Variants in MMP26 observed in about 807,000 individuals in gnomAD.
MMP26 encodes the protein matrix metalloproteinase-26.
MMP26 carries 33 observed loss-of-function variants against 31.0 expected under a neutral mutation model. The observed-to-expected ratio is 1.06, with a 90% confidence interval of 0.81 to 1.42. The LOEUF (loss-of-function observed/expected upper bound fraction) is 1.42. Among genes scored for constraint, MMP26 ranks in the 40% most tolerant of loss-of-function variants. MMP26 has a pLI of 0.00. For missense variants in MMP26, 347 were observed against 316.1 expected, an observed-to-expected ratio of 1.10 and a Z score of -0.74; for synonymous variants, 122 against 114.9, an observed-to-expected ratio of 1.06 and a Z score of -0.40.
chr11:4,971,759 A>G (rs968887635), intron 2 of MMP26, among the ~76,000 whole-genome samples: 1 of 152,162 alleles, frequency 6.6e-6, no homozygotes, highest in African/African-American at 2.4e-5. Context: ...TGACACCAAT[A>G]TCTGGTTCTG....
At chr11:4,860,729 T>A in intron 2 of MMP26, 3 of 304,472 alleles carry the variant, frequency 9.9e-6, no homozygotes, top group Admixed American at 4.7e-5. Flanking sequence ...TGTAACACTG[T>A]GTCTTTTTCC....
chr11:4,831,290 T>A (rs1315802272), intron 2 of MMP26, among the ~76,000 whole-genome samples: 1 of 152,134 alleles, frequency 6.6e-6, no homozygotes, highest in Non-Finnish European at 1.5e-5. Context: ...GAGAGCTGGG[T>A]CAGAGGAGCC....
chr11:4,856,095 C>G (rs1324183963), intron 2 of MMP26, among the ~76,000 whole-genome samples: 1 of 152,104 alleles, frequency 6.6e-6, no homozygotes, highest in Non-Finnish European at 1.5e-5. Context: ...AAAGGACAAC[C>G]AGTAGCAGCC....
At chr11:4,795,321 CA>C (rs1202402829) in intron 2 of MMP26, 2 of 152,058 alleles carry the variant, frequency 1.3e-5, no homozygotes, top group Non-Finnish European at 2.9e-5. Flanking sequence ...CTTTAGATCC[CA>C]ATGGTGGTAT....
intron 2 of MMP26, among the ~76,000 whole-genome samples, chr11:4,879,006 C>T (rs118010572): frequency 0.084 from 12,819 of 152,038 alleles, 701 homozygotes; most frequent in South Asian, 0.24. Context: ...GAAGCCGAGG[C>T]GGGTGGATCA....
chr11:4,936,321 G>C (rs976580690), intron 2 of MMP26, among the ~76,000 whole-genome samples: 2 of 150,740 alleles, frequency 1.3e-5, no homozygotes, highest in East Asian at 3.9e-4. Context: ...TGTATGTGTC[G>C]AGGAATTTAT....
At chr11:4,712,958 C>G (rs1454170580) in intron 1 of MMP26, among the ~76,000 whole-genome samples, 1 of 151,924 alleles carries the variant, frequency 6.6e-6, no homozygotes, top group African/African-American at 2.4e-5. Flanking sequence ...ACTGTGAGAA[C>G]TAATGCTGAA....
intron 1 of MMP26, among the ~76,000 whole-genome samples, chr11:4,738,398 A>G (rs1848269776): frequency 6.6e-6 from 1 of 152,180 alleles, no homozygotes; most frequent in Admixed American, 6.5e-5. Context: ...GCAGATTCTT[A>G]CTGGTTAAGA....
At chr11:4,842,308 C>G (rs953167169) in intron 2 of MMP26, among the ~76,000 whole-genome samples, 5 of 152,266 alleles carry the variant, frequency 3.3e-5, no homozygotes, top group African/African-American at 1.2e-4. Flanking sequence ...TTGAAAGCCT[C>G]ATGGTATATT....
chr11:4,808,996 T>A (rs1473037638), intron 2 of MMP26, among the ~76,000 whole-genome samples: 2 of 151,806 alleles, frequency 1.3e-5, no homozygotes, highest in African/African-American at 2.4e-5. Flanking sequence ...GACATGGAAT[T>A]AACCAATACT....
intron 2 of MMP26, among the ~76,000 whole-genome samples, chr11:4,896,483 G>T (rs1038233003): frequency 6.6e-6 from 1 of 152,104 alleles, no homozygotes; most frequent in Non-Finnish European, 1.5e-5. Flanking sequence ...TTACTGACTG[G>T]TTCCCACAAG....
intron 2 of MMP26, among the ~76,000 whole-genome samples, chr11:4,772,323 C>G (rs910195966): frequency 8.5e-5 from 13 of 152,146 alleles, no homozygotes; most frequent in Non-Finnish European, 1.8e-4. Context: ...ACATCATTGT[C>G]TCTGGATTAT....
intron 2 of MMP26, among the ~76,000 whole-genome samples, chr11:4,956,063 G>T (rs1284131527): frequency 6.6e-6 from 1 of 152,112 alleles, no homozygotes; most frequent in Non-Finnish European, 1.5e-5. Flanking sequence ...GAATTAACTG[G>T]AATGCTATAC....
chr11:4,953,765 C>T (rs1846396877), intron 2 of MMP26, among the ~76,000 whole-genome samples: 1 of 125,114 alleles, frequency 8.0e-6, no homozygotes, highest in South Asian at 2.4e-4. Flanking sequence ...ATATGTTCTT[C>T]CTTCGGCTTG....
chr11:4,970,073 A>G (rs1589821411), intron 2 of MMP26, among the ~76,000 whole-genome samples: 1 of 152,194 alleles, frequency 6.6e-6, no homozygotes, highest in African/African-American at 2.4e-5. Flanking sequence ...AAACACACAG[A>G]CGAGCCACAG....
intron 1 of MMP26, among the ~76,000 whole-genome samples, chr11:4,708,419 C>T (rs537943631): frequency 2.0e-5 from 3 of 152,222 alleles, no homozygotes; most frequent in East Asian, 1.9e-4. Flanking sequence ...TCTTTTCATT[C>T]GGGGGGTTGC....
chr11:4,705,471 T>A (rs1847763199), intron 1 of MMP26, among the ~76,000 whole-genome samples: 1 of 152,140 alleles, frequency 6.6e-6, no homozygotes, highest in Non-Finnish European at 1.5e-5. Flanking sequence ...AATGGTGTTG[T>A]GATAGTAATG....
At chr11:4,895,273 G>T (rs948927688) in intron 2 of MMP26, among the ~76,000 whole-genome samples, 1 of 152,070 alleles carries the variant, frequency 6.6e-6, no homozygotes, top group African/African-American at 2.4e-5. Context: ...ACCCGATTAT[G>T]CCAAATTGTT....
At chr11:4,848,488 G>T (rs115882083) in intron 2 of MMP26, 2 of 1,613,600 alleles carry the variant, frequency 1.2e-6, no homozygotes, top group South Asian at 2.2e-5. Context: ...GCCTTCCAGC[G>T]ATCCTCTCTG....
Sources: gnomAD v4.1 joint callset for allele counts (sites outside exome capture counted in the v4.1 genomes callset) on GRCh38, gnomAD v4.1.1 for gene constraint, MANE v1.5 for transcripts, NCBI Gene and HGNC (gene_info 2026-07-23, HGNC 2026-07-21) for gene names.